The following SLC39A8 variants were observed in gnomAD, a reference collection of about 807,000 sequenced individuals.
The protein encoded by SLC39A8 is solute carrier family 39 member 8, also known as metal cation symporter ZIP8.
Under a neutral mutation model 40.4 loss-of-function variants are expected in SLC39A8, and 15 were observed. The ratio of observed to expected loss-of-function variants is 0.37; its 90% CI spans 0.25 to 0.57. The LOEUF (loss-of-function observed/expected upper bound fraction) is 0.57, where lower values mean the gene tolerates loss of function less well. Among genes scored for constraint, SLC39A8 ranks in the 20% least tolerant of loss-of-function variants. SLC39A8 has a pLI of 0.75. For missense variants in SLC39A8, 472 were observed against 558.8 expected (o/e 0.84, Z 1.57); for synonymous variants, 223 against 221.6 (o/e 1.01, Z -0.06).
At chr4:102,332,579 G>T (rs1361895589) in intron 2 of SLC39A8, among the ~76,000 whole-genome samples, 1 of 152,214 alleles carries the variant, frequency 6.6e-6, no homozygotes, top group Non-Finnish European at 1.5e-5. Flanking sequence ...GTATAAATTA[G>T]TTCAACCATT....
At chr4:102,341,526 G>A (rs949971254) in intron 2 of SLC39A8, among the ~76,000 whole-genome samples, 2 of 152,166 alleles carry the variant, frequency 1.3e-5, no homozygotes, top group East Asian at 1.9e-4. Flanking sequence ...CCCCTCAATA[G>A]ATCAGACCTT....
At position 102,313,684 on chromosome 4, in the gene SLC39A8, T is replaced by C. The variant is rs1440729418; in HGVS notation, c.382+1984A>G. Among the ~76,000 whole-genome samples the C allele has an allele frequency of 2.0e-5, 3 of 152,014 alleles. No homozygotes were observed. In the East Asian group the frequency reaches 5.8e-4, roughly 30 times the overall value. On this transcript the variant is annotated intron_variant, in intron 3 of 8. Coordinates refer to ENST00000356736, the MANE Select transcript of SLC39A8 (RefSeq NM_001135146.2). Reference sequence around the variant, plus strand: ...AGGTCACTGCAGCCTTGACCTCCTATGTTCAAGTGATCCTCCTGCCTCAGC... The same window carrying C: ...AGGTCACTGCAGCCTTGACCTCCTACGTTCAAGTGATCCTCCTGCCTCAGC...
rs1731915486 is a variant in SLC39A8 at position 102,262,667 on chromosome 4, T to C, written c.*377A>G. The C allele has an allele frequency of 4.0e-6, 4 of 992,146 alleles. No individual in the cohort carries two copies. The highest frequency in any genetic ancestry group is 4.8e-6 in the Non-Finnish European group (4 of 834,522). The allele number at this position is 992,146 out of a possible 1,614,324, so 61.5% of individuals were successfully genotyped here. Reference sequence around the variant, plus strand: ...AACCTCTCTGAAACCATTTGAATCTTTGATCCTACCATAGAGTTTTAAAGG... The same window carrying C: ...AACCTCTCTGAAACCATTTGAATCTCTGATCCTACCATAGAGTTTTAAAGG... On this transcript the variant is annotated 3_prime_UTR_variant, in exon 9 of 9. Transcript: ENST00000356736.
At chr4:102,279,867 G>A (rs1338319002) in intron 6 of SLC39A8, among the ~76,000 whole-genome samples, 1 of 152,182 alleles carries the variant, frequency 6.6e-6, no homozygotes, top group Non-Finnish European at 1.5e-5. Flanking sequence ...TCAACCACAT[G>A]GAGGACAAGA....
intron 2 of SLC39A8, among the ~76,000 whole-genome samples, chr4:102,320,322 G>A (rs1215818888): frequency 1.6e-5 from 2 of 125,424 alleles, no homozygotes; most frequent in East Asian, 2.2e-4. Context: ...ATATATATAT[G>A]AGAATGTATA....
In SLC39A8 at chr4:102,295,249, C is replaced by T. The variant is rs1473448770; in HGVS notation, c.840+9068G>A. On this transcript the variant is annotated intron_variant, in intron 6 of 8. Transcript: ENST00000356736. ...AACCTAAAAGTCTACAGATTATCTC[C>T]AGAACTCAAAACTTCATAACATTGG... Among the ~76,000 whole-genome samples the T allele has an allele frequency of 2.0e-5, 3 of 150,764 alleles. 1 individual carries two copies. Among genetic ancestry groups the T allele is most frequent in the African/African-American group, 2.4e-5 (1 of 41,306 alleles).
chr4:102,342,046 T>C (rs1336068191), intron 2 of SLC39A8, among the ~76,000 whole-genome samples: 111 of 152,346 alleles, frequency 7.3e-4, no homozygotes, highest in Non-Finnish European at 8.8e-5. Context: ...TAAGCATTAA[T>C]GACCCTAAAA....
rs368525973 is a variant in SLC39A8, at chr4:102,263,015, T to C, written c.*29A>G. The stretch of plus-strand genomic sequence containing the variant: ...AGATGTTTTTATCTATTAAATGCCT[T>C]TATTAACAACACCATCTTCCATTTT... On this transcript the variant is annotated 3_prime_UTR_variant, in exon 9 of 9. Coordinates refer to ENST00000356736, the MANE Select transcript of SLC39A8 (RefSeq NM_001135146.2). 4 of 1,581,730 alleles carry C rather than the reference T, an allele frequency of 2.5e-6. No individual in the cohort carries two copies. Among genetic ancestry groups the C allele is most frequent in the Non-Finnish European group, 3.4e-6 (4 of 1,161,750 alleles).
intron 2 of SLC39A8, among the ~76,000 whole-genome samples, chr4:102,330,895 A>G (rs1431619584): frequency 3.9e-5 from 6 of 152,222 alleles, no homozygotes; most frequent in Non-Finnish European, 8.8e-5. Flanking sequence ...AACGTAATCC[A>G]TCACATAAAC....
At chr4:102,257,939 G>A (rs1344980616), downstream of SLC39A8, among the ~76,000 whole-genome samples, 4 of 152,312 alleles carry the variant, frequency 2.6e-5, no homozygotes, top group South Asian at 8.3e-4. Context: ...CCTGCTGTTT[G>A]CAGCTGCTGC....
At chr4:102,260,625 G>A (rs749189795), downstream of SLC39A8, among the ~76,000 whole-genome samples, 2 of 152,142 alleles carry the variant, frequency 1.3e-5, no homozygotes, top group African/African-American at 2.4e-5. Context: ...AGCCACCATG[G>A]GACTGCCATG....
intron 6 of SLC39A8, among the ~76,000 whole-genome samples, chr4:102,300,521 C>T (rs1352883821): frequency 6.6e-6 from 1 of 151,920 alleles, no homozygotes; most frequent in Non-Finnish European, 1.5e-5. Flanking sequence ...TCAGCAAGAT[C>T]AAAAATTATG....
intron 2 of SLC39A8, among the ~76,000 whole-genome samples, chr4:102,320,168 C>CATATATATATATATATATATATATGT (rs70937533): frequency 9.8e-6 from 1 of 101,936 alleles, no homozygotes; most frequent in African/African-American, 3.6e-5. Flanking sequence ...TATATATATA[C>CATATATATATATATATATATATATGT]ATATATATAT....
At chr4:102,336,537 C>G (rs1735681397) in intron 2 of SLC39A8, among the ~76,000 whole-genome samples, 1 of 152,124 alleles carries the variant, frequency 6.6e-6, no homozygotes, top group African/African-American at 2.4e-5. Context: ...TTTTCTCTAG[C>G]TATTCAATTA....
chr4:102,294,076 T>C (rs1733581923), intron 6 of SLC39A8, among the ~76,000 whole-genome samples: 1 of 151,894 alleles, frequency 6.6e-6, no homozygotes, highest in Admixed American at 6.6e-5. Flanking sequence ...TATACAAAAA[T>C]AAATTAAACT....
At chr4:102,335,083 T>C (rs1735611287) in intron 2 of SLC39A8, among the ~76,000 whole-genome samples, 2 of 152,204 alleles carry the variant, frequency 1.3e-5, no homozygotes, top group Admixed American at 1.3e-4. Context: ...AGAGCCAGTG[T>C]CTAGCTGTTC....
chr4:102,341,495 TC>T (rs1386472911), intron 2 of SLC39A8, among the ~76,000 whole-genome samples: 1 of 152,210 alleles, frequency 6.6e-6, no homozygotes, highest in East Asian at 1.9e-4. Flanking sequence ...ATTTGGGGCT[TC>T]CCTGTGTATT....
chr4:102,323,520 G>T (rs141923947), intron 2 of SLC39A8, among the ~76,000 whole-genome samples: 1 of 152,170 alleles, frequency 6.6e-6, no homozygotes, highest in East Asian at 1.9e-4. Flanking sequence ...GATCAGTAAC[G>T]CAAATGAGTA....
rs749094696 is a variant in SLC39A8 at position 102,307,495 on chromosome 4, A to G, written c.493T>C (p.Phe165Leu). The G allele has an allele frequency of 8.1e-6, 13 of 1,613,448 alleles. No homozygotes were observed. The highest frequency in any genetic ancestry group is 1.7e-5 in the Admixed American group (1 of 59,960). ...KSYFPKILTF[F>L]VGLAIGTLFS... ...AGAGTCCCAATAGCCAGCCCCACAAAAAAGGTCAAAATCTTTGGGAAATAA... is the reference window on the plus strand; with the variant it reads ...AGAGTCCCAATAGCCAGCCCCACAAGAAAGGTCAAAATCTTTGGGAAATAA... The change falls in exon 4 of 9, where the codon TTT becomes CTT. Residue 165 changes from phenylalanine (F) to leucine (L), a missense_variant. Phe to Leu is a conservative substitution (Grantham distance 22). Around this residue, in one of 4 missense-constraint regions of SLC39A8, gnomAD observed 239 missense variants for 317.9 expected, o/e 0.75. Coordinates refer to ENST00000356736, the MANE Select transcript of SLC39A8 (RefSeq NM_001135146.2).
Sources: allele counts gnomAD v4.1 joint callset (sites outside exome capture counted in the v4.1 genomes callset), GRCh38; gene constraint gnomAD v4.1.1; regional missense constraint gnomAD v4.1.1; transcripts MANE v1.5; gene names NCBI Gene and HGNC (gene_info 2026-07-23, HGNC 2026-07-21).